KMT2B: variants seen among roughly 807,000 people sequenced by gnomAD.
The protein encoded by KMT2B is lysine methyltransferase 2B, also known as histone-lysine N-methyltransferase 2B.
In KMT2B, 22 loss-of-function variants were observed where a neutral mutation model predicts 255.3. The ratio of observed to expected loss-of-function variants is 0.09; its 90% confidence interval spans 0.06 to 0.12. KMT2B has a LOEUF of 0.12. KMT2B is among the 10% of genes least tolerant of loss of function. The pLI, the probability that KMT2B is intolerant of heterozygous loss-of-function variation, is 1.00. For missense variants in KMT2B, 3,149 were observed against 3,737.0 expected (o/e 0.84, Z 4.10); for synonymous variants, 1,730 against 1,498.1 (o/e 1.15, Z -3.57).
intron 9 of KMT2B, 88 bp from the exon 10 acceptor site, chr19:35,724,901 C>CTGGGTA: frequency 8.4e-7 from 1 of 1,188,596 alleles, no homozygotes; most frequent in Non-Finnish European, 1.2e-6. Context: ...GGGTCTGGGT[C>CTGGGTA]CAGTAGGCTG....
At chr19:35,735,335 C>G (rs1599700808) in intron 30 of KMT2B, 3 of 152,286 alleles carry the variant, frequency 2.0e-5, no homozygotes, top group African/African-American at 7.2e-5. Context: ...CCCCCAACCC[C>G]CAGTGGTCAG....
intron 14 of KMT2B, among the ~76,000 whole-genome samples, 173 bp from the exon 15 acceptor site, chr19:35,726,983 C>CAA (rs34515466): frequency 1.1e-3 from 70 of 62,652 alleles, no homozygotes; most frequent in Non-Finnish European, 1.6e-3. Flanking sequence ...GACACTGTCT[C>CAA]AAAAAAAAAA....
At chr19:35,722,546 C>A in intron 4 of KMT2B, 22 bp from the exon 5 acceptor site, 4 of 1,596,490 alleles carry the variant, frequency 2.5e-6, no homozygotes, top group Non-Finnish European at 3.4e-6. Context: ...GCTGCCCACA[C>A]ACACTCCGAT....
In KMT2B at chr19:35,733,202, C is replaced by T; in HGVS notation, c.6653C>T (p.Pro2218Leu). The change falls in exon 28 of 37, where the codon CCA (proline) becomes CTA (leucine). Residue 2218 changes from proline to leucine, a missense_variant. Pro to Leu is a moderately conservative substitution (Grantham distance 98). Transcript: ENST00000420124. This position sits in a 1 kb window ranked among gnomAD's most constrained non-coding sequence, Gnocchi z 4.3. ...GEPVPPPVKQPPLPPTISPTA... is the reference protein window; with the variant it reads ...GEPVPPPVKQLPLPPTISPTA... Reference sequence around the variant, plus strand: ...CCTGTCCCACCCCCAGTGAAGCAGCCACCTTTGCCCCCCACCATTTCCCCC... The same window carrying T: ...CCTGTCCCACCCCCAGTGAAGCAGCTACCTTTGCCCCCCACCATTTCCCCC... 1.3e-6 allele frequency: 2 copies of T among 1,525,052 alleles called. No individual in the cohort carries two copies. Among genetic ancestry groups the T allele is most frequent in the South Asian group, 1.2e-5 (1 of 83,170 alleles). The allele number at this position is 1,525,052 out of a possible 1,614,324, so 94.5% of individuals were successfully genotyped here. A position where few individuals can be genotyped will look rare whatever the true frequency, so the allele number is the denominator to read the frequency against.
In KMT2B at chr19:35,733,225, C is replaced by T. The variant is rs763442835; in HGVS notation, c.6676C>T (p.Pro2226Ser). 7.4e-6 allele frequency: 11 copies of T among 1,491,422 alleles called. No individual in the cohort carries two copies. The South Asian group carries it at 1.4e-4, about 18-fold the overall frequency. 92.4% of individuals were successfully genotyped at this position (1,491,422 alleles called of 1,614,324 possible). A position where few individuals can be genotyped will look rare whatever the true frequency, so the allele number is the denominator to read the frequency against. ...KQPPLPPTIS[P>S]TAPTSWTLPP... ...GCCACCTTTGCCCCCCACCATTTCC[C>T]CCACGGCTCCCACCTCCTGGACTCT... Residue 2226 changes from proline to serine, a missense_variant, in exon 28 of 37, where the codon CCC becomes TCC. Coordinates refer to ENST00000420124, the MANE Select transcript of KMT2B (RefSeq NM_014727.3). This position sits in a 1 kb window ranked among gnomAD's most constrained non-coding sequence, Gnocchi z 4.3.
At position 35,730,693 on chromosome 19, in the gene KMT2B, A is replaced by G; in HGVS notation, c.5277-14A>G. Reference sequence around the variant, plus strand: ...ATTTCCCAAGCATCCTAACCGTCTTATCCCACATGCCAGGTGCTCCCGTCT... The same window carrying G: ...ATTTCCCAAGCATCCTAACCGTCTTGTCCCACATGCCAGGTGCTCCCGTCT... On this transcript the variant is annotated splice_polypyrimidine_tract_variant and intron_variant, in intron 25 of 36. Coordinates refer to ENST00000420124, the MANE Select transcript of KMT2B (RefSeq NM_014727.3). 2 of 1,613,934 alleles carry G rather than the reference A, an allele frequency of 1.2e-6. No homozygotes were observed. The highest frequency in any genetic ancestry group is 1.3e-5 in the African/African-American group (1 of 75,052).
chr19:35,727,553 G>A lies in KMT2B; in HGVS notation c.4233G>A (p.Gly1411=). The A allele has an allele frequency of 1.2e-6, 2 of 1,606,966 alleles. No homozygotes were observed. Among genetic ancestry groups the A allele is most frequent in the Non-Finnish European group, 1.7e-6 (2 of 1,178,620 alleles). The change falls in exon 16 of 37, where the codon GGG becomes GGA. Residue 1411 remains glycine, a synonymous_variant. Transcript: ENST00000420124. The surrounding 1 kb of genome is among the most constrained non-coding windows in gnomAD (Gnocchi z 4.2). ...AGGCCCTGAGCGGGGCCCTCCAGGG[G>A]GGCCTGCGCCAGGTGCTCCAGGGCC... The part of the protein sequence containing the change: ...WREALSGALQ[G]GLRQVLQGLL...
At position 35,738,745 on chromosome 19, in the gene KMT2B, T is replaced by C. The variant is rs941751496; in HGVS notation, c.*188T>C. On this transcript the variant is annotated 3_prime_UTR_variant, in exon 37 of 37. Transcript: ENST00000420124. The surrounding 1 kb of genome is among the most constrained non-coding windows in gnomAD (Gnocchi z 8.7). ...TCCAGCCCATCCAGCAATCGCCCCCTTTCTGCCCTGGGGGCCCAGGATGTA... is the reference window on the plus strand; with the variant it reads ...TCCAGCCCATCCAGCAATCGCCCCCCTTCTGCCCTGGGGGCCCAGGATGTA... 1 of 631,980 alleles carries C rather than the reference T, an allele frequency of 1.6e-6. No homozygotes were observed. The highest frequency in any genetic ancestry group is 2.7e-6 in the Non-Finnish European group (1 of 368,030). 39.1% of individuals were successfully genotyped at this position (631,980 alleles called of 1,614,324 possible).
At chr19:35,736,264 T>C (rs554712172) in intron 30 of KMT2B, 1 of 166,618 alleles carries the variant, frequency 6.0e-6, no homozygotes, top group Non-Finnish European at 1.3e-5. Context: ...AAATGATAAT[T>C]TTATGTTTGT....
Position 35,731,956 on chromosome 19 carries a change from C to G in KMT2B, c.5486C>G (p.Pro1829Arg). 1 of 1,613,694 alleles carries G rather than the reference C, an allele frequency of 6.2e-7. No individual in the cohort carries two copies. Among genetic ancestry groups the G allele is most frequent in the Non-Finnish European group, 8.5e-7 (1 of 1,179,754 alleles). Residue 1829 changes from proline (P) to arginine (R), a missense_variant, in exon 27 of 37, where the codon CCT becomes CGT. Pro to Arg is a moderately radical substitution (Grantham distance 103). Around this residue, in one of 18 missense-constraint regions of KMT2B, gnomAD observed 897 missense variants for 825.3 expected, o/e 1.09. Coordinates refer to ENST00000420124, the MANE Select transcript of KMT2B (RefSeq NM_014727.3). Reference protein sequence around the residue: ...DPPLDTDVLVPGAPERHSPIQ... With the variant: ...DPPLDTDVLVRGAPERHSPIQ... Reference sequence around the variant, plus strand: ...CCACTGGACACAGATGTTCTTGTCCCTGGAGCTCCTGAGCGCCACTCGCCC... The same window carrying G: ...CCACTGGACACAGATGTTCTTGTCCGTGGAGCTCCTGAGCGCCACTCGCCC...
rs1391848136 is a variant in KMT2B at position 35,730,376 on chromosome 19, G to A, written c.5111G>A (p.Arg1704His). ...AACCCCGATGGTTTTGATGTTCTCC[G>A]CCGAGTCTATGTGGACTTCGAGGGC... ...IVNPDGFDVLRRVYVDFEGIN... is the reference protein window; with the variant it reads ...IVNPDGFDVLHRVYVDFEGIN... The change falls in exon 24 of 37, where the codon CGC becomes CAC. Residue 1704 changes from arginine (R) to histidine (H), a missense_variant. Arg to His is a conservative substitution (Grantham distance 29). Transcript: ENST00000420124. 5 of 1,613,116 alleles carry A rather than the reference G, an allele frequency of 3.1e-6. No homozygotes were observed. The highest frequency in any genetic ancestry group is 3.4e-6 in the Non-Finnish European group (4 of 1,179,310).
In KMT2B at chr19:35,727,756, A is replaced by G. The variant is rs771252584; in HGVS notation, c.4361A>G (p.Gln1454Arg). 1.2e-6 allele frequency: 2 copies of G among 1,613,914 alleles called. No individual in the cohort carries two copies. The highest frequency in any genetic ancestry group is 1.7e-5 in the Admixed American group (1 of 60,036). Residue 1454 changes from glutamine (Q) to arginine (R), a missense_variant, in exon 17 of 37, where the codon CAG becomes CGG. Gln to Arg is a conservative substitution (Grantham distance 43, BLOSUM62 1). This residue lies in a region of KMT2B where 377 missense variants were observed against 471.0 expected (regional missense o/e 0.80). Transcript: ENST00000420124. This position sits in a 1 kb window ranked among gnomAD's most constrained non-coding sequence, Gnocchi z 4.2. ...CCCTGCGGCCTGCAAGCTGTGAGTC[A>G]GCGCTTCGAGGATGGCCACTACAAG... ...PGPCGLQAVS[Q>R]RFEDGHYKSV...
chr19:35,727,856 C>A lies in KMT2B; in HGVS notation c.4393-25C>A. On this transcript the variant is annotated intron_variant, in intron 17 of 36. Transcript: ENST00000420124. The surrounding 1 kb of genome is among the most constrained non-coding windows in gnomAD (Gnocchi z 4.2). ...GGGCTGGAATTGTGCAGAGGGGACTCAGTCTCTGACAAACCCCCTTACAGC... is the reference window on the plus strand; with the variant it reads ...GGGCTGGAATTGTGCAGAGGGGACTAAGTCTCTGACAAACCCCCTTACAGC... The A allele has an allele frequency of 6.2e-7, 1 of 1,610,662 alleles. No individual in the cohort carries two copies. Among genetic ancestry groups the A allele is most frequent in the Non-Finnish European group, 8.5e-7 (1 of 1,177,408 alleles).
At chr19:35,722,156 C>T (rs1228488290) in intron 3 of KMT2B, among the ~76,000 whole-genome samples, 1 of 152,104 alleles carries the variant, frequency 6.6e-6, no homozygotes, top group African/African-American at 2.4e-5. Context: ...AGGTGCCCAT[C>T]ACCACGCCTG....
Position 35,720,164 on chromosome 19 carries a change from G to A in KMT2B, c.817G>A (p.Gly273Ser), listed in dbSNP as rs539229419. 8.7e-6 allele frequency: 14 copies of A among 1,602,770 alleles called. No homozygotes were observed. The highest frequency in any genetic ancestry group is 8.6e-5 in the Admixed American group (5 of 57,930). The change falls in exon 3 of 37, where the codon GGT (glycine) becomes AGT (serine). Residue 273 changes from glycine (G) to serine (S), a missense_variant. By Grantham distance (56) the Gly-to-Ser change is moderately conservative (BLOSUM62 0). Transcript: ENST00000420124. ...CAGCTGGAAATGCAAGGAGGGGCCC[G>A]GTCCAGGACCTGGGACCCCCAGGCG... is the stretch of plus-strand genomic sequence containing the variant. ...TGSWKCKEGP[G>S]PGPGTPRRGG...
Position 35,727,736 on chromosome 19 carries a change from C to T in KMT2B, c.4341C>T (p.Cys1447=), listed in dbSNP as rs377743823. The change falls in exon 17 of 37, where the codon TGC becomes TGT. Residue 1447 remains cysteine, a synonymous_variant. Transcript: ENST00000420124. The surrounding 1 kb of genome is among the most constrained non-coding windows in gnomAD (Gnocchi z 4.2). The part of the protein sequence containing the change: ...PDGKQLHPGP[C]GLQAVSQRFE... ...GGAAGCAACTGCACCCAGGACCCTG[C>T]GGCCTGCAAGCTGTGAGTCAGCGCT... 3.9e-5 allele frequency: 63 copies of T among 1,613,844 alleles called. No homozygotes were observed. The highest frequency in any genetic ancestry group is 1.5e-4 in the Admixed American group (9 of 60,034).
chr19:35,720,964 C>A lies in KMT2B; in HGVS notation c.1617C>A (p.Val539=), dbSNP rs1485185938. ...TGGTGAGTGCCCGCTCCTCCCGTGT[C>A]ATCAAGACACCCCGGCGATTTATGG... ...MPVVSARSSR[V]IKTPRRFMDE... is the part of the protein sequence containing the mutation. The change falls in exon 3 of 37, where the codon GTC becomes GTA. Residue 539 remains valine, a synonymous_variant. Coordinates refer to ENST00000420124, the MANE Select transcript of KMT2B (RefSeq NM_014727.3). The A allele has an allele frequency of 6.2e-7, 1 of 1,612,394 alleles. No individual in the cohort carries two copies. Among genetic ancestry groups the A allele is most frequent in the Non-Finnish European group, 8.5e-7 (1 of 1,179,406 alleles).
intron 30 of KMT2B, among the ~76,000 whole-genome samples, chr19:35,734,147 A>T (rs1044987299): frequency 3.9e-5 from 6 of 152,158 alleles, no homozygotes; most frequent in Non-Finnish European, 7.4e-5. Context: ...CTAGCCTGCC[A>T]GGAGCTGAGA....
In KMT2B at chr19:35,725,877, A is replaced by C; in HGVS notation, c.3885+59A>C. ...CTAATGAATATCACCACCACCCCCA[A>C]ACTTGCTCTAGGCTGGGGCTCTCAG... On this transcript the variant is annotated intron_variant, in intron 13 of 36. Coordinates refer to ENST00000420124, the MANE Select transcript of KMT2B (RefSeq NM_014727.3). This position sits in a 1 kb window ranked among gnomAD's most constrained non-coding sequence, Gnocchi z 4.1. 7.2e-7 allele frequency: 1 copy of C among 1,396,604 alleles called. No homozygotes were observed. Among genetic ancestry groups the C allele is most frequent in the Non-Finnish European group, 9.9e-7 (1 of 1,006,786 alleles). 86.5% of individuals were successfully genotyped at this position (1,396,604 alleles called of 1,614,324 possible).
Sources: allele counts gnomAD v4.1 joint callset (sites outside exome capture counted in the v4.1 genomes callset), GRCh38; gene constraint gnomAD v4.1.1; regional missense constraint gnomAD v4.1.1; non-coding constraint Gnocchi (gnomAD v3.1); transcripts MANE v1.5; gene names NCBI Gene and HGNC (gene_info 2026-07-23, HGNC 2026-07-21).